Variants in JUP observed in about 807,000 individuals in gnomAD.
JUP encodes the protein catenin (cadherin-associated protein), gamma 80kDa.
In JUP, 28 loss-of-function variants were observed where a neutral mutation model predicts 71.1. That is an observed-to-expected ratio of 0.39 (90% CI 0.29 to 0.54). The LOEUF is 0.54. Ranked by LOEUF, JUP falls within the 20% of genes least tolerant of loss-of-function variation. JUP has a pLI of 0.62. For synonymous variants in JUP, 401 were observed against 438.9 expected (o/e 0.91, Z 1.08); for missense variants, 869 against 1,030.1 (o/e 0.84, Z 2.14).
intron 6 of JUP, 23 bp from the exon 7 acceptor site, chr17:41,764,839 A>T: frequency 6.2e-7 from 1 of 1,613,270 alleles, no homozygotes. Flanking sequence ...TAGGGGTGCC[A>T]TCAGCCACGG....
In JUP at chr17:41,769,595, G is replaced by C; in HGVS notation, c.291C>G (p.Asp97Glu). 6.2e-7 allele frequency: 1 copy of C among 1,605,274 alleles called. No homozygotes were observed. Among genetic ancestry groups the C allele is most frequent in the Non-Finnish European group, 8.5e-7 (1 of 1,176,846 alleles). The part of the protein sequence containing the change: ...EAMCPGVSGE[D>E]SSLLLATQVE... ...CCTGGGTGGCCAGCAGAAGCGAGCTGTCCTCGCCTGACACACCAGGGCACA... is the reference window on the plus strand; with the variant it reads ...CCTGGGTGGCCAGCAGAAGCGAGCTCTCCTCGCCTGACACACCAGGGCACA... Residue 97 changes from aspartate to glutamate, a missense_variant, in exon 3 of 14, where the codon GAC becomes GAG. Physicochemically the swap from Asp to Glu is conservative, Grantham distance 45. Transcript: ENST00000393931.
chr17:41,785,096 C>G (rs1677194351), intron 1 of JUP: 1 of 152,248 alleles, frequency 6.6e-6, no homozygotes, highest in South Asian at 2.1e-4. Context: ...CTCACTTTCC[C>G]TGTCAAATTC....
intron 1 of JUP, among the ~76,000 whole-genome samples, chr17:41,773,525 C>T (rs1029403360): frequency 2.0e-5 from 3 of 152,160 alleles, no homozygotes; most frequent in Non-Finnish European, 4.4e-5. Context: ...ACGACAGGCT[C>T]GGGCCGCCAG....
intron 1 of JUP, among the ~76,000 whole-genome samples, chr17:41,780,742 G>T (rs1023269563): frequency 2.0e-5 from 3 of 151,124 alleles, no homozygotes; most frequent in Non-Finnish European, 4.4e-5. Context: ...AGAGGAGAAG[G>T]GAGGAGGAAA....
intron 1 of JUP, among the ~76,000 whole-genome samples, chr17:41,778,983 T>C (rs1326838112): frequency 3.3e-5 from 5 of 151,788 alleles, no homozygotes; most frequent in African/African-American, 1.2e-4. Context: ...ATGCCTGTAA[T>C]CCCAGGACTT....
chr17:41,775,905 G>A (rs911408063), intron 1 of JUP: 96 of 922,116 alleles, frequency 1.0e-4, no homozygotes, highest in African/African-American at 7.7e-4. Flanking sequence ...GGCTGGCACC[G>A]GGCACCCTAA....
chr17:41,756,314 G>T lies in JUP; in HGVS notation c.2047-100C>A, dbSNP rs980556732. 16 of 1,231,688 alleles carry T rather than the reference G, an allele frequency of 1.3e-5. No homozygotes were observed. In the African/African-American group the frequency reaches 1.6e-4, roughly 13 times the overall value. 76.3% of individuals were successfully genotyped at this position (1,231,688 alleles called of 1,614,324 possible). A position where few individuals can be genotyped will look rare whatever the true frequency, so the allele number is the denominator to read the frequency against. ...GGGAGAGATGCTTCTAAAAGAGGGGGCCAGGCTGGGTGCCATGGCTCACGC... is the reference window on the plus strand; with the variant it reads ...GGGAGAGATGCTTCTAAAAGAGGGGTCCAGGCTGGGTGCCATGGCTCACGC... On this transcript the variant is annotated intron_variant, in intron 12 of 13. Coordinates refer to ENST00000393931, the MANE Select transcript of JUP (RefSeq NM_002230.4).
intron 8 of JUP, among the ~76,000 whole-genome samples, chr17:41,762,172 AGAGAGT>A (rs1567808441): frequency 6.8e-5 from 3 of 44,088 alleles, no homozygotes; most frequent in African/African-American, 2.6e-4. Context: ...AGAGAGAGAG[AGAGAGT>A]GTGTGTGTGT....
chr17:41,782,848 C>A (rs868963165), intron 1 of JUP, among the ~76,000 whole-genome samples: 24 of 152,250 alleles, frequency 1.6e-4, no homozygotes, highest in Middle Eastern at 6.8e-3. Context: ...GTAATCCCAG[C>A]ACTTTGGGAG....
At chr17:41,784,691 AG>A (rs2047361458) in intron 1 of JUP, among the ~76,000 whole-genome samples, 1 of 152,196 alleles carries the variant, frequency 6.6e-6, no homozygotes, top group Middle Eastern at 3.4e-3. Context: ...CACAGGGCTG[AG>A]CGTGATCCCC....
rs4796699 is a variant in JUP at position 41,769,897 on chromosome 17, C to T, written c.209-220G>A. ...TAAAATAGGCCCCACATGTTCTGTC[C>T]ATCAAGGGAATTTTTTTTTTTTTTT... On this transcript the variant is annotated intron_variant, in intron 2 of 13. Coordinates refer to ENST00000393931, the MANE Select transcript of JUP (RefSeq NM_002230.4). 0.42 allele frequency among the ~76,000 whole-genome samples: 59,936 copies of T among 144,274 alleles called. 13,203 individuals are homozygous for T. Among genetic ancestry groups the T allele is most frequent in the Non-Finnish European group, 0.5 (33,769 of 66,964 alleles). The allele number at this position is 144,274 out of a possible 152,430, so 94.6% of individuals were successfully genotyped here. A position where few individuals can be genotyped will look rare whatever the true frequency, so the allele number is the denominator to read the frequency against.
chr17:41,783,943 T>C (rs1246339037), intron 1 of JUP, among the ~76,000 whole-genome samples: 1 of 151,242 alleles, frequency 6.6e-6, no homozygotes, highest in Non-Finnish European at 1.5e-5. Flanking sequence ...CTGTAAAGTC[T>C]TACCTTGATC....
chr17:41,758,297 A>C, intron 10 of JUP, 102 bp downstream of exon 10: 107 of 1,499,188 alleles, frequency 7.1e-5, no homozygotes, highest in Non-Finnish European at 8.3e-5. Context: ...TCCTCCAAAG[A>C]CCTCTTGATA....
chr17:41,781,326 GTCTGGGTGACAGAGTGAGAGACTCCA>G (rs2047152847), intron 1 of JUP, among the ~76,000 whole-genome samples: 1 of 151,716 alleles, frequency 6.6e-6, no homozygotes, highest in African/African-American at 2.4e-5. Flanking sequence ...CTACACTCCA[GTCTGGGTGACAGAGTGAGAGACTCCA>G]TCTCAAAAAA....
intron 1 of JUP, among the ~76,000 whole-genome samples, chr17:41,781,125 G>T (rs1405435102): frequency 6.6e-6 from 1 of 150,894 alleles, no homozygotes; most frequent in East Asian, 2.0e-4. Flanking sequence ...AGCTTGCAGC[G>T]AGCGGAGATC....
At position 41,758,456 on chromosome 17, in the gene JUP, C is replaced by T. The variant is rs782104934; in HGVS notation, c.1716G>A (p.Arg572=). Residue 572 remains arginine, a synonymous_variant, in exon 10 of 14, where the codon CGG becomes CGA. Transcript: ENST00000393931. ...GCTGALHILA[R]DPMNRMEIFR... is the part of the protein sequence containing the mutation. ...AGATCTCCATGCGGTTCATGGGGTC[C>T]CGGGCGAGGATGTGCAGTGCTCCGG... 1.2e-6 allele frequency: 2 copies of T among 1,614,052 alleles called. No individual in the cohort carries two copies. The highest frequency in any genetic ancestry group is 1.7e-6 in the Non-Finnish European group (2 of 1,180,020).
At chr17:41,774,400 C>G (rs909043719) in intron 1 of JUP, among the ~76,000 whole-genome samples, 1 of 152,056 alleles carries the variant, frequency 6.6e-6, no homozygotes, top group Admixed American at 6.5e-5. Flanking sequence ...GTGGCATGAT[C>G]TTGGCTCACT....
chr17:41,768,047 T>C (rs1157881978), intron 4 of JUP, among the ~76,000 whole-genome samples: 3 of 151,940 alleles, frequency 2.0e-5, no homozygotes, highest in Non-Finnish European at 2.9e-5. Flanking sequence ...TGGATCACCC[T>C]GAGGTTAGGA....
chr17:41,773,587 GC>G (rs201191557), intron 1 of JUP, among the ~76,000 whole-genome samples: 26 of 152,036 alleles, frequency 1.7e-4, no homozygotes, highest in Non-Finnish European at 2.9e-5. Context: ...TTCAGAAGGA[GC>G]CCCCCCAACC....
Sources: allele counts gnomAD v4.1 joint callset (sites outside exome capture counted in the v4.1 genomes callset), GRCh38; gene constraint gnomAD v4.1.1; transcripts MANE v1.5; gene names NCBI Gene and HGNC (gene_info 2026-07-23, HGNC 2026-07-21).